Variants in PGS1 observed in about 807,000 individuals in gnomAD.
PGS1 encodes the protein CDP-diacylglycerol--glycerol-3-phosphate 3-phosphatidyltransferase, mitochondrial.
A neutral mutation model predicts 58.3 loss-of-function variants in PGS1; 44 were observed. The ratio of observed to expected loss-of-function variants is 0.75; its 90% CI spans 0.59 to 0.97. The LOEUF is 0.97. Ranked by LOEUF, PGS1 falls within the 50% of genes least tolerant of loss-of-function variation. PGS1 has a pLI of 0.00. For missense variants in PGS1, 684 were observed against 731.1 expected, an observed-to-expected ratio of 0.94 and a Z score of 0.74; for synonymous variants, 330 against 311.0, an observed-to-expected ratio of 1.06 and a Z score of -0.64.
chr17:78,409,829 G>GC (rs1217372629), intron 7 of PGS1, among the ~76,000 whole-genome samples: 1 of 152,210 alleles, frequency 6.6e-6, no homozygotes, highest in African/African-American at 2.4e-5. Context: ...GAACTGCAAA[G>GC]GCCTGGCGTG....
intron 2 of PGS1, among the ~76,000 whole-genome samples, chr17:78,394,719 C>G (rs2083098224): frequency 6.6e-6 from 1 of 152,058 alleles, no homozygotes; most frequent in East Asian, 1.9e-4. Context: ...CCATGCCTGG[C>G]TAATTTTATA....
intron 7 of PGS1, among the ~76,000 whole-genome samples, chr17:78,414,671 G>A (rs73998900): frequency 1.3e-5 from 2 of 152,118 alleles, no homozygotes; most frequent in Non-Finnish European, 2.9e-5. Context: ...CTGAGGCTGC[G>A]CCCTGATCCT....
chr17:78,413,661 C>G (rs2084924840), intron 7 of PGS1, among the ~76,000 whole-genome samples: 1 of 152,232 alleles, frequency 6.6e-6, no homozygotes, highest in South Asian at 2.1e-4. Context: ...GGAGAGAAGT[C>G]TTGAGCTCAG....
chr17:78,389,865 C>T (rs1394769455), intron 1 of PGS1, among the ~76,000 whole-genome samples: 1 of 152,188 alleles, frequency 6.6e-6, no homozygotes, highest in African/African-American at 2.4e-5. Flanking sequence ...TTCTTCCCGC[C>T]TTGGCCTCCC....
Position 78,424,321 on chromosome 17 carries a change from G to T in PGS1, c.*271G>T. 2 of 782,526 alleles carry T rather than the reference G, an allele frequency of 2.6e-6. No individual in the cohort carries two copies. The highest frequency in any genetic ancestry group is 3.9e-6 in the Non-Finnish European group (2 of 510,024). The allele number at this position is 782,526 out of a possible 1,614,324, so 48.5% of individuals were successfully genotyped here. ...GGAAGCAGAGGCCTTCGTAGGTGAT[G>T]GCCTGCATGTTGTAACTACCCCGTC... On this transcript the variant is annotated 3_prime_UTR_variant, in exon 10 of 10. Transcript: ENST00000262764.
chr17:78,396,308 G>T lies in PGS1; in HGVS notation c.334G>T (p.Gly112Trp), dbSNP rs764654492. The change falls in exon 3 of 10, where the codon GGG (glycine) becomes TGG (tryptophan). Residue 112 changes from glycine to tryptophan, a missense_variant and splice_region_variant. Physicochemically the swap from Gly to Trp is radical, Grantham distance 184. Coordinates refer to ENST00000262764, the MANE Select transcript of PGS1 (RefSeq NM_024419.5). ...ATTTTGAATTTTTCTCCTCTCTCAG[G>T]GGCAGATAAGAGTAGCCAAGAGGCG... is the stretch of plus-strand genomic sequence containing the variant. ...SPAEFFELMK[G>W]QIRVAKRRVV... is the part of the protein sequence containing the mutation. 3.1e-6 allele frequency: 5 copies of T among 1,611,718 alleles called. No homozygotes were observed. In the South Asian group the frequency reaches 3.3e-5, roughly 11 times the overall value.
intron 9 of PGS1, chr17:78,420,159 A>C (rs1033232300): frequency 2.0e-6 from 2 of 1,004,350 alleles, no homozygotes; most frequent in Non-Finnish European, 2.4e-6. Context: ...CGGTAGAGCC[A>C]GACCGTGGGC....
chr17:78,420,186 C>T (rs535804577), intron 9 of PGS1: 15 of 999,452 alleles, frequency 1.5e-5, no homozygotes, highest in African/African-American at 1.4e-4. Flanking sequence ...CTGGACGCCT[C>T]GCTGACATCC....
At chr17:78,423,645 G>C in intron 9 of PGS1, 1 of 456,050 alleles carries the variant, frequency 2.2e-6, no homozygotes, top group Non-Finnish European at 4.0e-6. Context: ...TTTCCCCAAA[G>C]CCTGAACCAG....
intron 2 of PGS1, among the ~76,000 whole-genome samples, chr17:78,393,451 C>T (rs1463609531): frequency 2.6e-5 from 4 of 152,132 alleles, no homozygotes; most frequent in Admixed American, 6.6e-5. Context: ...ACTGAGGACC[C>T]GTGGGTCACA....
rs539829717 is a variant in PGS1, at chr17:78,394,096, C to T, written c.333+1431C>T. On this transcript the variant is annotated intron_variant, in intron 2 of 9. Coordinates refer to ENST00000262764, the MANE Select transcript of PGS1 (RefSeq NM_024419.5). ...CTGAGGCAGGAGAATCGCTTGAACC[C>T]GGGAGGTGGAGGTTGCAGTAAGCCA... Among the ~76,000 whole-genome samples the T allele has an allele frequency of 1.2e-4, 18 of 148,044 alleles. No individual in the cohort carries two copies. The South Asian group carries it at 1.9e-3, about 16-fold the overall frequency.
At chr17:78,380,083 C>T (rs182006573) in intron 1 of PGS1, among the ~76,000 whole-genome samples, 3 of 152,054 alleles carry the variant, frequency 2.0e-5, no homozygotes, top group African/African-American at 7.2e-5. Context: ...TCAGGCTGGT[C>T]TCTAACTCCC....
rs771988793 is a variant in PGS1 at position 78,392,646 on chromosome 17, A to G, written c.314A>G (p.Glu105Gly). The G allele has an allele frequency of 6.2e-7, 1 of 1,613,906 alleles. No individual in the cohort carries two copies. The highest frequency in any genetic ancestry group is 1.7e-5 in the Admixed American group (1 of 59,976). The change falls in exon 2 of 10, where the codon GAG (glutamate) becomes GGG (glycine). Residue 105 changes from glutamate (E) to glycine (G), a missense_variant. Physicochemically the swap from Glu to Gly is moderately conservative, Grantham distance 98. Transcript: ENST00000262764. ...GTTAGGGTGCTTTCTTCCCCGGCAGAGTTTTTCGAGCTCATGAAGGTAAGT... is the reference window on the plus strand; with the variant it reads ...GTTAGGGTGCTTTCTTCCCCGGCAGGGTTTTTCGAGCTCATGAAGGTAAGT... Reference protein sequence around the residue: ...SHVRVLSSPAEFFELMKGQIR... With the variant: ...SHVRVLSSPAGFFELMKGQIR...
chr17:78,405,670 G>A (rs1203554628), intron 7 of PGS1, among the ~76,000 whole-genome samples: 1 of 152,216 alleles, frequency 6.6e-6, no homozygotes, highest in Non-Finnish European at 1.5e-5. Context: ...CTAGCAGCGG[G>A]ACCATGACTC....
intron 1 of PGS1, among the ~76,000 whole-genome samples, chr17:78,385,597 G>A (rs961806346): frequency 6.6e-6 from 1 of 152,062 alleles, no homozygotes; most frequent in African/African-American, 2.4e-5. Context: ...CCTAATTTTT[G>A]TATTTTTAGT....
chr17:78,388,760 C>T (rs75313635), intron 1 of PGS1, among the ~76,000 whole-genome samples: 4,692 of 152,240 alleles, frequency 0.031, 213 homozygotes, highest in African/African-American at 0.1. Context: ...GCTGCAGAAC[C>T]TTCCCAGTAG....
chr17:78,402,085 G>C (rs1308957732), intron 6 of PGS1, among the ~76,000 whole-genome samples: 1 of 152,056 alleles, frequency 6.6e-6, no homozygotes, highest in African/African-American at 2.4e-5. Flanking sequence ...CGGCAGCCCT[G>C]TCCAGCATGT....
chr17:78,419,881 T>A, intron 9 of PGS1: 1 of 1,304,808 alleles, frequency 7.7e-7, no homozygotes, highest in Non-Finnish European at 9.9e-7. Context: ...ACTTTCCATC[T>A]GGTACCCACT....
At chr17:78,408,824 A>G (rs1437005509) in intron 7 of PGS1, among the ~76,000 whole-genome samples, 1 of 152,140 alleles carries the variant, frequency 6.6e-6, no homozygotes, top group African/African-American at 2.4e-5. Flanking sequence ...CTCCTCGCCC[A>G]GTAGGTGTGG....
Sources: gnomAD v4.1 joint callset for allele counts (sites outside exome capture counted in the v4.1 genomes callset) on GRCh38, gnomAD v4.1.1 for gene constraint, MANE v1.5 for transcripts, NCBI Gene and HGNC (gene_info 2026-07-23, HGNC 2026-07-21) for gene names.